The following TBC1D12 variants were observed in gnomAD, a reference collection of about 807,000 sequenced individuals.
The protein encoded by TBC1D12 is TBC1 domain family, member 12.
TBC1D12 carries 56 observed loss-of-function variants against 86.7 expected under a neutral mutation model. The observed-to-expected ratio is 0.65, with a 90% CI of 0.52 to 0.81. The LOEUF is 0.81. Among genes scored for constraint, TBC1D12 ranks in the 30% least tolerant of loss-of-function variants. The probability of loss-of-function intolerance (pLI) is 0.00; values close to 1 mark genes in which losing one functional copy is unlikely to be tolerated. For missense variants in TBC1D12, 1,023 were observed against 1,038.8 expected, an observed-to-expected ratio of 0.98 and a Z score of 0.21; for synonymous variants, 421 against 411.7, an observed-to-expected ratio of 1.02 and a Z score of -0.27.
At chr10:94,405,127 A>G (rs549670279) in intron 1 of TBC1D12, among the ~76,000 whole-genome samples, 83 of 147,966 alleles carry the variant, frequency 5.6e-4, no homozygotes, top group Middle Eastern at 7.3e-3. Flanking sequence ...CTTTTTTCTT[A>G]AGTCCCCAGG....
At chr10:94,413,369 A>C (rs2054952875) in intron 1 of TBC1D12, among the ~76,000 whole-genome samples, 1 of 152,206 alleles carries the variant, frequency 6.6e-6, no homozygotes, top group Admixed American at 6.5e-5. Flanking sequence ...GATTTTCCTC[A>C]GGTCTACTCA....
At chr10:94,464,032 C>G (rs567626876) in intron 2 of TBC1D12, among the ~76,000 whole-genome samples, 1 of 152,138 alleles carries the variant, frequency 6.6e-6, no homozygotes, top group East Asian at 1.9e-4. Context: ...GGTAAGATTT[C>G]CTTTTATGAA....
intron 1 of TBC1D12, among the ~76,000 whole-genome samples, chr10:94,415,259 A>G (rs1188703146): frequency 6.6e-6 from 1 of 152,208 alleles, no homozygotes; most frequent in Non-Finnish European, 1.5e-5. Flanking sequence ...GAAGAGTGAT[A>G]ACATTTAAGT....
At chr10:94,507,419 G>T in intron 7 of TBC1D12, 72 bp downstream of exon 7, 3 of 1,310,974 alleles carry the variant, frequency 2.3e-6, no homozygotes, top group Non-Finnish European at 2.1e-6. Flanking sequence ...AGAAGCTGTA[G>T]TAATCGCTTT....
At chr10:94,414,353 G>C (rs1001300414) in intron 1 of TBC1D12, among the ~76,000 whole-genome samples, 3 of 152,224 alleles carry the variant, frequency 2.0e-5, no homozygotes, top group East Asian at 3.9e-4. Flanking sequence ...TATTCGTAGA[G>C]AGAGAAATTG....
At chr10:94,430,221 T>G (rs1460416457) in intron 1 of TBC1D12, among the ~76,000 whole-genome samples, 2 of 152,214 alleles carry the variant, frequency 1.3e-5, no homozygotes, top group East Asian at 3.9e-4. Flanking sequence ...AAATGATTAT[T>G]AGAATTTATC....
intron 3 of TBC1D12, among the ~76,000 whole-genome samples, chr10:94,491,022 T>G (rs2056238561): frequency 6.6e-6 from 1 of 152,160 alleles, no homozygotes; most frequent in Non-Finnish European, 1.5e-5. Flanking sequence ...AACTCTAAAC[T>G]TTCTCCTCAC....
chr10:94,489,518 G>C (rs2056218030), intron 3 of TBC1D12, among the ~76,000 whole-genome samples: 1 of 152,188 alleles, frequency 6.6e-6, no homozygotes, highest in Non-Finnish European at 1.5e-5. Context: ...GTGCTTATTT[G>C]TGTGCAGATA....
chr10:94,435,664 CT>C (rs1204145328), intron 1 of TBC1D12, among the ~76,000 whole-genome samples: 1 of 152,060 alleles, frequency 6.6e-6, no homozygotes, highest in Non-Finnish European at 1.5e-5. Flanking sequence ...GTTTATAGTG[CT>C]CTTTGAACAG....
Position 94,507,271 on chromosome 10 carries a change from T to G in TBC1D12, c.1524T>G (p.Leu508=). ...VGNELNITPE[L]YEIFLSRAKE... ...TGTTCTCCCCCCAACCCCCAGAACTTTATGAAATCTTCCTCTCAAGAGCAA... is the reference window on the plus strand; with the variant it reads ...TGTTCTCCCCCCAACCCCCAGAACTGTATGAAATCTTCCTCTCAAGAGCAA... Residue 508 remains leucine (L), a synonymous_variant, in exon 7 of 13, where the codon CTT becomes CTG. Transcript: ENST00000225235. 6.2e-7 allele frequency: 1 copy of G among 1,606,994 alleles called. No individual in the cohort carries two copies. The highest frequency in any genetic ancestry group is 8.5e-7 in the Non-Finnish European group (1 of 1,178,638).
chr10:94,452,506 C>T (rs560589042), intron 2 of TBC1D12, among the ~76,000 whole-genome samples: 1 of 152,126 alleles, frequency 6.6e-6, no homozygotes, highest in Non-Finnish European at 1.5e-5. Context: ...TTTGCCTTTT[C>T]CAGACTATTA....
chr10:94,443,447 G>T (rs915747952), intron 2 of TBC1D12, among the ~76,000 whole-genome samples: 1 of 152,160 alleles, frequency 6.6e-6, no homozygotes, highest in Admixed American at 6.5e-5. Context: ...CACCTGGCTT[G>T]TAGTTAATTT....
intron 9 of TBC1D12, among the ~76,000 whole-genome samples, chr10:94,518,972 G>A (rs911804068): frequency 1.3e-5 from 2 of 152,184 alleles, no homozygotes; most frequent in African/African-American, 4.8e-5. Context: ...CTGTTCGGGA[G>A]GTTGAGGCAG....
chr10:94,455,188 A>AT (rs745609319), intron 2 of TBC1D12, among the ~76,000 whole-genome samples: 4,161 of 147,294 alleles, frequency 0.028, 58 homozygotes, highest in African/African-American at 0.034. Context: ...AAATTAATTG[A>AT]TTTTTTTTTT....
intron 2 of TBC1D12, among the ~76,000 whole-genome samples, chr10:94,451,375 T>C (rs1004810568): frequency 6.6e-6 from 1 of 152,134 alleles, no homozygotes; most frequent in Admixed American, 6.5e-5. Context: ...ACAAGTTTAT[T>C]AAGATTTTTT....
At chr10:94,488,992 T>A (rs1456787692) in intron 3 of TBC1D12, among the ~76,000 whole-genome samples, 1 of 152,070 alleles carries the variant, frequency 6.6e-6, no homozygotes, top group Non-Finnish European at 1.5e-5. Context: ...GCGTAAGCAC[T>A]CCCCCAAATG....
rs144616969 is a variant in TBC1D12, at chr10:94,419,567, A to G, written c.971+15983A>G. On this transcript the variant is annotated intron_variant, in intron 1 of 12. Transcript: ENST00000225235. ...GCCTGTAATCCCAGCTTCTCGGGAG[A>G]CTGAGGCAGGAGAATTCCATGAATC... Among the ~76,000 whole-genome samples, 614 of 152,122 alleles carry G rather than the reference A, an allele frequency of 4.0e-3. 4 individuals are homozygous for G. Among genetic ancestry groups the G allele is most frequent in the African/African-American group, 0.014 (564 of 41,488 alleles).
intron 2 of TBC1D12, among the ~76,000 whole-genome samples, chr10:94,450,391 C>G (rs908691818): frequency 6.6e-6 from 1 of 151,584 alleles, no homozygotes; most frequent in Admixed American, 6.6e-5. Context: ...ATTAAGCAGG[C>G]AGACAAGATG....
intron 1 of TBC1D12, among the ~76,000 whole-genome samples, chr10:94,430,736 G>C (rs998827124): frequency 6.6e-6 from 1 of 152,198 alleles, no homozygotes; most frequent in African/African-American, 2.4e-5. Flanking sequence ...AGAAGGCAGG[G>C]AAATGGTTGT....
Sources: allele counts gnomAD v4.1 joint callset (sites outside exome capture counted in the v4.1 genomes callset), GRCh38; gene constraint gnomAD v4.1.1; transcripts MANE v1.5; gene names NCBI Gene and HGNC (gene_info 2026-07-23, HGNC 2026-07-21).